The following PHACTR1 variants were observed in gnomAD, a reference collection of about 807,000 sequenced individuals.
PHACTR1 encodes the protein phosphatase and actin regulator 1.
Under a neutral mutation model 69.2 loss-of-function variants are expected in PHACTR1, and 16 were observed. The observed-to-expected ratio is 0.23, with a 90% confidence interval of 0.16 to 0.35. PHACTR1 has a LOEUF of 0.35. Among genes scored for constraint, PHACTR1 ranks in the 10% least tolerant of loss-of-function variants. The pLI is 1.00. For synonymous variants in PHACTR1, 312 were observed against 284.5 expected (o/e 1.10, Z -0.97); for missense variants, 510 against 734.7 (o/e 0.69, Z 3.54).
At chr6:12,937,913 CAACACGTGAAA>C (rs1351430910) in intron 4 of PHACTR1, among the ~76,000 whole-genome samples, 1 of 152,114 alleles carries the variant, frequency 6.6e-6, no homozygotes. Context: ...CCAGCATGGC[CAACACGTGAAA>C]TCCCATCCCT....
Position 13,259,913 on chromosome 6 carries a change from GC to G in PHACTR1, c.1392-12946del, listed in dbSNP as rs1775678955. 2.0e-5 allele frequency among the ~76,000 whole-genome samples: 3 copies of G among 152,102 alleles called. No individual in the cohort carries two copies. The South Asian group carries it at 6.2e-4, about 32-fold the overall frequency. On this transcript the variant is annotated intron_variant, in intron 10 of 14. Transcript: ENST00000332995. ...GATCAATAGTATTAAGAGTTGTTCT[GC>G]TCAGTTTGCAGAGAGAAAAGGGCAT...
At chr6:13,061,506 A>G (rs1196707631) in intron 5 of PHACTR1, among the ~76,000 whole-genome samples, 2 of 152,214 alleles carry the variant, frequency 1.3e-5, no homozygotes, top group Non-Finnish European at 2.9e-5. Flanking sequence ...TGAGCTTATG[A>G]GTAAACAGCT....
At chr6:12,888,081 A>AAAG (rs1783819719) in intron 4 of PHACTR1, among the ~76,000 whole-genome samples, 1 of 151,044 alleles carries the variant, frequency 6.6e-6, no homozygotes, top group Non-Finnish European at 1.5e-5. Context: ...TCAAAAAAAA[A>AAAG]AAAAAAAAAA....
chr6:12,737,513 TTA>T (rs780998928), intron 3 of PHACTR1, among the ~76,000 whole-genome samples: 3 of 151,104 alleles, frequency 2.0e-5, no homozygotes, highest in African/African-American at 2.4e-5. Flanking sequence ...ATATATGGCT[TTA>T]TATATATATA....
chr6:12,797,302 G>T (rs1192071343), intron 4 of PHACTR1, among the ~76,000 whole-genome samples: 1 of 152,072 alleles, frequency 6.6e-6, no homozygotes, highest in East Asian at 1.9e-4. Context: ...CAACCAAAAG[G>T]CATACATTCA....
chr6:12,831,835 C>T (rs1012509469), intron 4 of PHACTR1, among the ~76,000 whole-genome samples: 1 of 152,160 alleles, frequency 6.6e-6, no homozygotes, highest in Non-Finnish European at 1.5e-5. Flanking sequence ...TTCAGACACA[C>T]ACACAATTTT....
At chr6:12,924,592 G>A (rs1199781756) in intron 4 of PHACTR1, among the ~76,000 whole-genome samples, 3 of 152,002 alleles carry the variant, frequency 2.0e-5, no homozygotes, top group Non-Finnish European at 2.9e-5. Flanking sequence ...GGCTAACATG[G>A]TGAAACCTTG....
chr6:13,197,601 G>A (rs983933531), intron 7 of PHACTR1, among the ~76,000 whole-genome samples: 1 of 151,940 alleles, frequency 6.6e-6, no homozygotes, highest in Non-Finnish European at 1.5e-5. Flanking sequence ...CAATGTGCAG[G>A]TTTGTTACAT....
chr6:13,151,672 T>C (rs960517395), intron 5 of PHACTR1, among the ~76,000 whole-genome samples: 1 of 152,202 alleles, frequency 6.6e-6, no homozygotes, highest in South Asian at 2.1e-4. Context: ...AACCATTTGA[T>C]AAGTTAGAGG....
intron 8 of PHACTR1, among the ~76,000 whole-genome samples, chr6:13,209,777 C>T (rs553557308): frequency 2.6e-5 from 4 of 152,336 alleles, no homozygotes; most frequent in African/African-American, 9.6e-5. Flanking sequence ...TCAAGAAGGT[C>T]TGACTGTTAG....
intron 4 of PHACTR1, among the ~76,000 whole-genome samples, chr6:12,919,635 G>A (rs2876303): frequency 0.53 from 80,927 of 152,052 alleles, 23,909 homozygotes; most frequent in East Asian, 0.91. Context: ...TTTTTCCACT[G>A]TGATGCTTCC....
At chr6:12,981,807 C>T (rs187259645) in intron 4 of PHACTR1, among the ~76,000 whole-genome samples, 26 of 152,278 alleles carry the variant, frequency 1.7e-4, no homozygotes, top group East Asian at 1.5e-3. Flanking sequence ...TATGCCTCAG[C>T]GCATCTTGGC....
chr6:13,157,890 T>G (rs1758413332), intron 5 of PHACTR1, among the ~76,000 whole-genome samples: 2 of 152,022 alleles, frequency 1.3e-5, no homozygotes, highest in South Asian at 4.1e-4. Context: ...TTTCTTTTCT[T>G]TTCTTTTTTT....
intron 8 of PHACTR1, among the ~76,000 whole-genome samples, chr6:13,225,997 C>T (rs1458629612): frequency 6.6e-6 from 1 of 152,216 alleles, no homozygotes; most frequent in African/African-American, 2.4e-5. Context: ...ACCCTGGAGG[C>T]CATCTATCGT....
chr6:13,062,399 C>T (rs1256210552), intron 5 of PHACTR1, among the ~76,000 whole-genome samples: 3 of 152,344 alleles, frequency 2.0e-5, no homozygotes, highest in Non-Finnish European at 2.9e-5. Flanking sequence ...CCCTTTCCCA[C>T]AGGGCTAGAT....
intron 4 of PHACTR1, among the ~76,000 whole-genome samples, chr6:12,751,750 G>A (rs1462298630): frequency 6.6e-6 from 1 of 152,168 alleles, no homozygotes; most frequent in Non-Finnish European, 1.5e-5. Context: ...AGCCAGACAA[G>A]CACTCAGTCC....
chr6:12,829,720 C>T (rs973042844), intron 4 of PHACTR1, among the ~76,000 whole-genome samples: 7 of 151,328 alleles, frequency 4.6e-5, no homozygotes, highest in East Asian at 1.9e-4. Flanking sequence ...TTTGGGAGGC[C>T]GAGATGGGAG....
chr6:13,135,078 C>T (rs1278029013), intron 5 of PHACTR1, among the ~76,000 whole-genome samples: 9 of 152,310 alleles, frequency 5.9e-5, no homozygotes, highest in Non-Finnish European at 2.9e-5. Context: ...CTCTCCTGTG[C>T]CCACTAGCTC....
chr6:13,153,876 G>A (rs1757805239), intron 5 of PHACTR1, among the ~76,000 whole-genome samples: 1 of 152,120 alleles, frequency 6.6e-6, no homozygotes, highest in Admixed American at 6.5e-5. Context: ...TGGCCTCCTA[G>A]CTTTTTGTGA....
Sources: allele counts gnomAD v4.1 joint callset (sites outside exome capture counted in the v4.1 genomes callset), GRCh38; gene constraint gnomAD v4.1.1; transcripts MANE v1.5; gene names NCBI Gene and HGNC (gene_info 2026-07-23, HGNC 2026-07-21).